The following CEP164 variants were observed in gnomAD, a reference collection of about 807,000 sequenced individuals.
CEP164 encodes the protein centrosomal protein of 164 kDa.
Under a neutral mutation model 182.7 loss-of-function variants are expected in CEP164, and 162 were observed. The ratio of observed to expected loss-of-function variants is 0.89; its 90% CI spans 0.78 to 1.01. CEP164 has a LOEUF of 1.01. Ranked by LOEUF, CEP164 falls within the 50% of genes least tolerant of loss-of-function variation. The pLI is 0.00. For synonymous variants in CEP164, 661 were observed against 690.0 expected (o/e 0.96, Z 0.66); for missense variants, 1,735 against 1,790.4 (o/e 0.97, Z 0.56).
At chr11:117,387,045 C>T in intron 14 of CEP164, 158 bp from the exon 15 acceptor site, 2 of 667,246 alleles carry the variant, frequency 3.0e-6, no homozygotes, top group East Asian at 2.6e-5. Context: ...CAAGCATTGA[C>T]TGTATCTCTT....
chr11:117,341,318 G>T lies in CEP164; in HGVS notation c.82+2650G>T, dbSNP rs962731644. On this transcript the variant is annotated intron_variant, in intron 3 of 32. Coordinates refer to ENST00000278935, the MANE Select transcript of CEP164 (RefSeq NM_014956.5). ...AATTAGCCTTACTGTTTATAAAGCA[G>T]ATCATGTCAGGGCTGTGCTTTTAGT... is the stretch of plus-strand genomic sequence containing the variant. Among the ~76,000 whole-genome samples the T allele has an allele frequency of 2.6e-5, 4 of 152,156 alleles. No homozygotes were observed. The East Asian group carries it at 7.7e-4, about 29-fold the overall frequency.
chr11:117,372,345 C>A (rs2042293210), intron 9 of CEP164, among the ~76,000 whole-genome samples: 1 of 152,058 alleles, frequency 6.6e-6, no homozygotes, highest in African/African-American at 2.4e-5. Flanking sequence ...CTGAGCTCAA[C>A]CTCGATCTGC....
chr11:117,330,852 C>T (rs992305345), intron 1 of CEP164, among the ~76,000 whole-genome samples: 15 of 152,178 alleles, frequency 9.9e-5, no homozygotes, highest in African/African-American at 3.6e-4. Context: ...ATATAAGCCT[C>T]ACAACACATT....
chr11:117,393,243 C>T, intron 20 of CEP164, 117 bp downstream of exon 20: 1 of 1,431,916 alleles, frequency 7.0e-7, no homozygotes, highest in South Asian at 1.4e-5. Flanking sequence ...CGGGGTCCTT[C>T]CCACCTGGCT....
chr11:117,323,946 G>C (rs557252502), upstream of CEP164: 11 of 309,200 alleles, frequency 3.6e-5, no homozygotes, highest in Non-Finnish European at 7.0e-5. Context: ...CCGGTTATTT[G>C]GTTTTTTTTC....
chr11:117,380,049 C>G (rs1023456412), intron 11 of CEP164, among the ~76,000 whole-genome samples: 26 of 151,876 alleles, frequency 1.7e-4, no homozygotes, highest in Non-Finnish European at 3.1e-4. Flanking sequence ...AGCACTTTGT[C>G]TTCCTTCCTC....
At chr11:117,364,825 C>T (rs1412602339) in intron 8 of CEP164, among the ~76,000 whole-genome samples, 2 of 152,118 alleles carry the variant, frequency 1.3e-5, no homozygotes, top group East Asian at 3.9e-4. Context: ...TTAGACTTTG[C>T]CTGTAACCTC....
chr11:117,384,290 G>A (rs1051134838), intron 14 of CEP164, among the ~76,000 whole-genome samples: 1 of 152,232 alleles, frequency 6.6e-6, no homozygotes, highest in Non-Finnish European at 1.5e-5. Flanking sequence ...AGGATCTCAT[G>A]TTGTCACCAT....
chr11:117,355,140 T>C, intron 5 of CEP164: 1 of 1,289,760 alleles, frequency 7.8e-7, no homozygotes, highest in Non-Finnish European at 1.0e-6. Context: ...CTGCAGCCAC[T>C]CTCCAAAGGC....
At chr11:117,350,341 C>G (rs370978342) in intron 4 of CEP164, among the ~76,000 whole-genome samples, 6 of 152,182 alleles carry the variant, frequency 3.9e-5, no homozygotes, top group African/African-American at 9.6e-5. Flanking sequence ...GTAACTGGGA[C>G]TACAGACGTG....
chr11:117,396,123 T>G lies in CEP164; in HGVS notation c.3159T>G (p.Ala1053=), dbSNP rs2045422912. The part of the protein sequence containing the change: ...LREVTVEENN[A]SPHFEPDLHI... The stretch of plus-strand genomic sequence containing the variant: ...AAGTGACAGTTGAGGAAAATAATGC[T>G]TCCCCACATTTTGAGCCAGATCTCC... The change falls in exon 25 of 33, where the codon GCT becomes GCG. Residue 1053 remains alanine (A), a synonymous_variant. Coordinates refer to ENST00000278935, the MANE Select transcript of CEP164 (RefSeq NM_014956.5). The G allele has an allele frequency of 6.2e-7, 1 of 1,611,240 alleles. No individual in the cohort carries two copies. The highest frequency in any genetic ancestry group is 1.3e-5 in the African/African-American group (1 of 74,802).
chr11:117,339,515 G>GTTTTTTTTTTTTTTTT (rs1199425322), intron 3 of CEP164, among the ~76,000 whole-genome samples: 1 of 90,870 alleles, frequency 1.1e-5, no homozygotes, highest in African/African-American at 4.2e-5. Context: ...CTTTTCCTTT[G>GTTTTTTTTTTTTTTTT]TTTTTTGTTT....
intron 17 of CEP164, 138 bp downstream of exon 17, chr11:117,391,353 A>G: frequency 1.3e-6 from 1 of 750,972 alleles, no homozygotes; most frequent in Non-Finnish European, 2.2e-6. Flanking sequence ...TAGGTCTCAC[A>G]CACACAGGCA....
chr11:117,344,196 T>G lies in CEP164; in HGVS notation c.113T>G (p.Ile38Ser). 8 of 1,613,530 alleles carry G rather than the reference T, an allele frequency of 5.0e-6. No homozygotes were observed. The highest frequency in any genetic ancestry group is 6.8e-6 in the Non-Finnish European group (8 of 1,179,750). Reference sequence around the variant, plus strand: ...CTTGAATTTGCCCGGGAGATTGGTATTGATCCCATCAAGGAACCAGAACTG... The same window carrying G: ...CTTGAATTTGCCCGGGAGATTGGTAGTGATCCCATCAAGGAACCAGAACTG... ...EILEFAREIGIDPIKEPELMW... is the reference protein window; with the variant it reads ...EILEFAREIGSDPIKEPELMW... Residue 38 changes from isoleucine (I) to serine (S), a missense_variant, in exon 4 of 33, where the codon ATT (isoleucine) becomes AGT (serine). Coordinates refer to ENST00000278935, the MANE Select transcript of CEP164 (RefSeq NM_014956.5).
intron 1 of CEP164, among the ~76,000 whole-genome samples, chr11:117,334,985 G>A (rs2036841477): frequency 6.6e-6 from 1 of 152,056 alleles, no homozygotes; most frequent in South Asian, 2.1e-4. Context: ...TGCTTGGGAA[G>A]TGCTTATTCA....
At position 117,411,759 on chromosome 11, in the gene CEP164, T is replaced by C; in HGVS notation, c.4164-36T>C. Reference sequence around the variant, plus strand: ...CATCCTCTGTCACTTCCGCGCCTCCTCTCTCCCCTCGCCATGCTCTCCTCT... The same window carrying C: ...CATCCTCTGTCACTTCCGCGCCTCCCCTCTCCCCTCGCCATGCTCTCCTCT... On this transcript the variant is annotated intron_variant, in intron 31 of 32. Transcript: ENST00000278935. The surrounding 1 kb of genome is among the most constrained non-coding windows in gnomAD (Gnocchi z 4.4). 1 of 1,613,180 alleles carries C rather than the reference T, an allele frequency of 6.2e-7. No homozygotes were observed. Among genetic ancestry groups the C allele is most frequent in the African/African-American group, 1.3e-5 (1 of 75,006 alleles).
Position 117,395,741 on chromosome 11 carries a change from A to C in CEP164, c.3089+19A>C. Reference sequence around the variant, plus strand: ...ACTTCAGGTGGCGTGGGCACCCTGCACTTAGCCCTGCTGGCTGCCTCCTGC... The same window carrying C: ...ACTTCAGGTGGCGTGGGCACCCTGCCCTTAGCCCTGCTGGCTGCCTCCTGC... On this transcript the variant is annotated intron_variant, in intron 24 of 32. Coordinates refer to ENST00000278935, the MANE Select transcript of CEP164 (RefSeq NM_014956.5). 7.5e-6 allele frequency: 12 copies of C among 1,594,314 alleles called. No homozygotes were observed. The highest frequency in any genetic ancestry group is 1.0e-5 in the Non-Finnish European group (12 of 1,170,692).
At chr11:117,349,503 C>T (rs1408457041) in intron 4 of CEP164, among the ~76,000 whole-genome samples, 1 of 151,726 alleles carries the variant, frequency 6.6e-6, no homozygotes, top group Non-Finnish European at 1.5e-5. Context: ...TAATTTTTTT[C>T]TTAGAGATAG....
chr11:117,329,146 G>T (rs1340093012), intron 1 of CEP164, among the ~76,000 whole-genome samples: 1 of 150,392 alleles, frequency 6.6e-6, no homozygotes, highest in East Asian at 2.0e-4. Flanking sequence ...AGTGCAGTTG[G>T]TATTCACCGG....
Sources: gnomAD v4.1 joint callset for allele counts (sites outside exome capture counted in the v4.1 genomes callset) on GRCh38, gnomAD v4.1.1 for gene constraint, Gnocchi (gnomAD v3.1) non-coding constraint, MANE v1.5 for transcripts, NCBI Gene and HGNC (gene_info 2026-07-23, HGNC 2026-07-21) for gene names.